FCHSD2: variants seen among roughly 807,000 people sequenced by gnomAD.
The protein encoded by FCHSD2 is F-BAR and double SH3 domains protein 2.
In FCHSD2, 38 loss-of-function variants were observed where a neutral mutation model predicts 108.1. That is an observed-to-expected ratio of 0.35 (90% CI 0.27 to 0.46). The LOEUF is 0.46. Ranked by LOEUF, FCHSD2 falls within the 20% of genes least tolerant of loss-of-function variation. The pLI, the probability that FCHSD2 is intolerant of heterozygous loss-of-function variation, is 1.00. For missense variants in FCHSD2, 751 were observed against 897.8 expected (o/e 0.84, Z 2.09); for synonymous variants, 279 against 314.7 (o/e 0.89, Z 1.20).
chr11:73,039,529 G>C (rs1591504578), intron 3 of FCHSD2, among the ~76,000 whole-genome samples: 2 of 143,536 alleles, frequency 1.4e-5, no homozygotes, highest in Non-Finnish European at 3.1e-5. Flanking sequence ...AAAAAAAAAA[G>C]AAAGAAAGAA....
chr11:72,927,567 A>T (rs1380414119), intron 8 of FCHSD2, among the ~76,000 whole-genome samples: 2 of 152,190 alleles, frequency 1.3e-5, no homozygotes, highest in African/African-American at 2.4e-5. Flanking sequence ...AAGTCTGATT[A>T]AAAAAACAGT....
chr11:72,913,832 A>C lies in FCHSD2; in HGVS notation c.828+7996T>G, dbSNP rs79638730. On this transcript the variant is annotated intron_variant, in intron 9 of 19. Coordinates refer to ENST00000409418, the MANE Select transcript of FCHSD2 (RefSeq NM_014824.3). ...AAAAACCAAAAAAAACCCAAAAAAA[A>C]AACAAAAAAAAAAACCCTAGAAATA... Among the ~76,000 whole-genome samples, 60 of 149,968 alleles carry C rather than the reference A, an allele frequency of 4.0e-4. No homozygotes were observed. The East Asian group carries it at 4.3e-3, about 11-fold the overall frequency.
At chr11:73,069,689 T>C (rs1197820382) in intron 3 of FCHSD2, among the ~76,000 whole-genome samples, 1 of 151,958 alleles carries the variant, frequency 6.6e-6, no homozygotes, top group Non-Finnish European at 1.5e-5. Flanking sequence ...ATACAACAAT[T>C]AAAACTTTAA....
In FCHSD2 at chr11:72,837,730, G is replaced by A. The variant is rs921422510; in HGVS notation, c.*1061C>T. The stretch of plus-strand genomic sequence containing the variant: ...CTCATAGAAAGCTGGTTTCCTCCAC[G>A]AGCCACCAGGTTCTTCCTTCCACGG... On this transcript the variant is annotated 3_prime_UTR_variant, in exon 20 of 20. Coordinates refer to ENST00000409418, the MANE Select transcript of FCHSD2 (RefSeq NM_014824.3). 3 of 152,200 alleles carry A rather than the reference G, an allele frequency of 2.0e-5. No individual in the cohort carries two copies. Among genetic ancestry groups the A allele is most frequent in the African/African-American group, 7.2e-5 (3 of 41,430 alleles). 9.4% of individuals were successfully genotyped at this position (152,200 alleles called of 1,614,324 possible).
intron 2 of FCHSD2, among the ~76,000 whole-genome samples, chr11:73,130,176 T>TA (rs1860962723): frequency 6.6e-6 from 1 of 152,052 alleles, no homozygotes; most frequent in Non-Finnish European, 1.5e-5. Context: ...GCCTGGCCCA[T>TA]AATCTCTTAT....
chr11:72,986,626 C>CA (rs2135401889), intron 6 of FCHSD2, among the ~76,000 whole-genome samples: 1 of 152,196 alleles, frequency 6.6e-6, no homozygotes, highest in Admixed American at 6.5e-5. Flanking sequence ...GGGGATATTC[C>CA]CAGTTCTCCT....
intron 3 of FCHSD2, among the ~76,000 whole-genome samples, chr11:73,065,140 A>G (rs1468710702): frequency 6.6e-6 from 1 of 152,220 alleles, no homozygotes; most frequent in East Asian, 1.9e-4. Flanking sequence ...CCAGCAGCAC[A>G]TCAAAAAGCT....
In FCHSD2 at chr11:72,838,591, T is replaced by C. The variant is rs1860804054; in HGVS notation, c.*200A>G. The C allele has an allele frequency of 3.4e-6, 2 of 590,464 alleles. No individual in the cohort carries two copies. The highest frequency in any genetic ancestry group is 1.9e-5 in the African/African-American group (1 of 53,520). 36.6% of individuals were successfully genotyped at this position (590,464 alleles called of 1,614,324 possible). Reference sequence around the variant, plus strand: ...TTGTGCTATGGTAGGAGAAATGACATAGAAAATGACAACAAAAAAAAAAGG... The same window carrying C: ...TTGTGCTATGGTAGGAGAAATGACACAGAAAATGACAACAAAAAAAAAAGG... On this transcript the variant is annotated 3_prime_UTR_variant, in exon 20 of 20. Transcript: ENST00000409418.
intron 8 of FCHSD2, among the ~76,000 whole-genome samples, chr11:72,964,505 C>T (rs4643105): frequency 1 from 151,859 of 152,328 alleles, 75,696 homozygotes; most frequent in Middle Eastern, 1. Context: ...TACACATCTG[C>T]CTTCTTCATT....
At chr11:73,082,764 G>A (rs2135513532) in intron 3 of FCHSD2, among the ~76,000 whole-genome samples, 1 of 152,190 alleles carries the variant, frequency 6.6e-6, no homozygotes, top group South Asian at 2.1e-4. Context: ...TTTGCAGAAG[G>A]AAATAACAAT....
Position 73,083,752 on chromosome 11 carries a change from A to T in FCHSD2, c.120-12T>A. On this transcript the variant is annotated splice_polypyrimidine_tract_variant and intron_variant, in intron 2 of 19. Transcript: ENST00000409418. Reference sequence around the variant, plus strand: ...TCTGACTGAATGTCCTAAAAATACAAAGAAAAATTAATTACCAGAAGGATA... The same window carrying T: ...TCTGACTGAATGTCCTAAAAATACATAGAAAAATTAATTACCAGAAGGATA... 1 of 1,492,924 alleles carries T rather than the reference A, an allele frequency of 6.7e-7. No homozygotes were observed. The highest frequency in any genetic ancestry group is 9.1e-7 in the Non-Finnish European group (1 of 1,094,458). 92.5% of individuals were successfully genotyped at this position (1,492,924 alleles called of 1,614,324 possible). A position where few individuals can be genotyped will look rare whatever the true frequency, so the allele number is the denominator to read the frequency against.
intron 10 of FCHSD2, among the ~76,000 whole-genome samples, chr11:72,894,324 T>C (rs1288838187): frequency 6.6e-6 from 1 of 152,100 alleles, no homozygotes; most frequent in Admixed American, 6.6e-5. Context: ...GCAGAAAAAC[T>C]GCTTGAGGCC....
intron 12 of FCHSD2, among the ~76,000 whole-genome samples, chr11:72,876,853 T>C (rs906132279): frequency 6.6e-6 from 1 of 152,208 alleles, no homozygotes; most frequent in Non-Finnish European, 1.5e-5. Flanking sequence ...ATTATTATTA[T>C]ATATACGTCC....
chr11:73,136,795 C>T (rs923927545), intron 2 of FCHSD2, among the ~76,000 whole-genome samples: 3 of 151,992 alleles, frequency 2.0e-5, no homozygotes, highest in Admixed American at 6.5e-5. Context: ...TTTGGGAGGC[C>T]GAGGCGGGTG....
In FCHSD2 at chr11:73,001,177, G is replaced by C; in HGVS notation, c.243-43C>G. 2.5e-6 allele frequency: 4 copies of C among 1,594,634 alleles called. No individual in the cohort carries two copies. In the South Asian group the frequency reaches 4.6e-5, roughly 18 times the overall value. On this transcript the variant is annotated intron_variant, in intron 4 of 19. Transcript: ENST00000409418. ...TAGAAAAGCATTAGGCAGGGAACAG[G>C]AAGAAAAAGTTGGCTAACCTTTTGC...
chr11:73,010,040 G>A (rs1857828523), intron 4 of FCHSD2, among the ~76,000 whole-genome samples: 1 of 152,082 alleles, frequency 6.6e-6, no homozygotes, highest in Admixed American at 6.5e-5. Flanking sequence ...AATAATATGT[G>A]TATTTGGTCA....
chr11:72,989,202 G>C, intron 5 of FCHSD2, 105 bp from the exon 6 acceptor site: 1 of 833,708 alleles, frequency 1.2e-6, no homozygotes, highest in Non-Finnish European at 1.8e-6. Flanking sequence ...GGAAATCCAG[G>C]GGAAAAGTCA....
intron 8 of FCHSD2, among the ~76,000 whole-genome samples, chr11:72,975,399 T>C (rs2135389066): frequency 6.6e-6 from 1 of 152,262 alleles, no homozygotes; most frequent in East Asian, 1.9e-4. Flanking sequence ...TTAATGGGTA[T>C]AAAATTACAG....
At chr11:72,977,690 G>A (rs1436394179) in intron 8 of FCHSD2, among the ~76,000 whole-genome samples, 2 of 152,230 alleles carry the variant, frequency 1.3e-5, no homozygotes, top group Non-Finnish European at 2.9e-5. Flanking sequence ...TGCTGGAGAG[G>A]ATGTGAAGAA....
Sources: allele counts gnomAD v4.1 joint callset (sites outside exome capture counted in the v4.1 genomes callset), GRCh38; gene constraint gnomAD v4.1.1; transcripts MANE v1.5; gene names NCBI Gene and HGNC (gene_info 2026-07-23, HGNC 2026-07-21).